The following KIRREL3 variants were observed in gnomAD, a reference collection of about 807,000 sequenced individuals.
KIRREL3 encodes kirre like nephrin family adhesion molecule 3.
In KIRREL3, 36 loss-of-function variants were observed where a neutral mutation model predicts 89.7. The ratio of observed to expected loss-of-function variants is 0.40; its 90% CI spans 0.31 to 0.53. The LOEUF (loss-of-function observed/expected upper bound fraction) is 0.53. KIRREL3 is among the 20% of genes least tolerant of loss of function. The pLI is 0.49. For missense variants in KIRREL3, 864 were observed against 1,056.6 expected (o/e 0.82, Z 2.53); for synonymous variants, 445 against 441.4 (o/e 1.01, Z -0.10).
At chr11:126,573,291 C>T (rs947949) in intron 1 of KIRREL3, among the ~76,000 whole-genome samples, 30,688 of 152,168 alleles carry the variant, frequency 0.2, 3,218 homozygotes, top group East Asian at 0.4. Flanking sequence ...GGAGGGCTCT[C>T]CAGCTCTCCT....
At chr11:126,619,015 T>C (rs370917254) in intron 1 of KIRREL3, among the ~76,000 whole-genome samples, 47 of 152,204 alleles carry the variant, frequency 3.1e-4, no homozygotes, top group African/African-American at 1.1e-3. Flanking sequence ...TGACTTCTAG[T>C]TGGAGAAGCA....
chr11:126,980,202 CA>C (rs1301231580), intron 1 of KIRREL3, among the ~76,000 whole-genome samples: 7 of 152,102 alleles, frequency 4.6e-5, no homozygotes, highest in Non-Finnish European at 1.0e-4. Context: ...ACAGCATAAG[CA>C]AGGATACAAA....
At chr11:126,799,890 T>C (rs1228609896) in intron 1 of KIRREL3, among the ~76,000 whole-genome samples, 1 of 152,174 alleles carries the variant, frequency 6.6e-6, no homozygotes. Context: ...GGAGCCTGGC[T>C]GGGATGGTGA....
intron 1 of KIRREL3, among the ~76,000 whole-genome samples, chr11:126,849,746 G>A (rs531042103): frequency 6.6e-6 from 1 of 152,182 alleles, no homozygotes; most frequent in Non-Finnish European, 1.5e-5. Context: ...AGAAGGTGGA[G>A]ACGGTGTGAA....
rs1427035649 is a variant in KIRREL3, at chr11:126,999,620, G to A, written c.55+835C>T. 6.6e-6 allele frequency among the ~76,000 whole-genome samples: 1 copy of A among 152,204 alleles called. No homozygotes were observed. The highest frequency in any genetic ancestry group is 1.5e-5 in the Non-Finnish European group (1 of 68,040). ...TTGCCCCTCCAAACTCAATTCCACAGGTGACTTTTGATGCCTTTGGCCAAC... is the reference window on the plus strand; with the variant it reads ...TTGCCCCTCCAAACTCAATTCCACAAGTGACTTTTGATGCCTTTGGCCAAC... On this transcript the variant is annotated intron_variant, in intron 1 of 16. Transcript: ENST00000525144. The surrounding 1 kb of genome is among the most constrained non-coding windows in gnomAD (Gnocchi z 5.7).
At position 126,435,092 on chromosome 11, in the gene KIRREL3, C is replaced by T. The variant is rs1201900527; in HGVS notation, c.1588+176G>A. Among the ~76,000 whole-genome samples, 4 of 152,070 alleles carry T rather than the reference C, an allele frequency of 2.6e-5. No homozygotes were observed. In the South Asian group the frequency reaches 6.2e-4, roughly 24 times the overall value. ...GGTCTCTGGGGTCCCTAGGCCCAAG[C>T]TGGCTGGGACCTCCTCTCCCCACTG... On this transcript the variant is annotated intron_variant, in intron 13 of 16. Transcript: ENST00000525144.
At chr11:126,447,406 G>A (rs1045283982) in intron 8 of KIRREL3, among the ~76,000 whole-genome samples, 1 of 152,206 alleles carries the variant, frequency 6.6e-6, no homozygotes, top group South Asian at 2.1e-4. Context: ...CACCTCTGGG[G>A]TGGGATGGGG....
chr11:126,684,735 G>C lies in KIRREL3; in HGVS notation c.56-121823C>G, dbSNP rs907457388. ...CTGGTAGGTACTGAAGCTTGTAAAGGCCACCTAATCACTTTGCTTTGGTAT... is the reference window on the plus strand; with the variant it reads ...CTGGTAGGTACTGAAGCTTGTAAAGCCCACCTAATCACTTTGCTTTGGTAT... On this transcript the variant is annotated intron_variant, in intron 1 of 16. Coordinates refer to ENST00000525144, the MANE Select transcript of KIRREL3 (RefSeq NM_032531.4). The surrounding 1 kb of genome is among the most constrained non-coding windows in gnomAD (Gnocchi z 4.2). 3.9e-5 allele frequency among the ~76,000 whole-genome samples: 6 copies of C among 152,160 alleles called. No individual in the cohort carries two copies. The highest frequency in any genetic ancestry group is 7.4e-5 in the Non-Finnish European group (5 of 68,024).
intron 1 of KIRREL3, among the ~76,000 whole-genome samples, chr11:126,887,900 GGA>G (rs1167957482): frequency 6.6e-6 from 1 of 152,194 alleles, no homozygotes; most frequent in African/African-American, 2.4e-5. Context: ...GCACAGCACA[GGA>G]GAGAGGGGGT....
intron 1 of KIRREL3, among the ~76,000 whole-genome samples, chr11:126,930,402 A>G (rs933245982): frequency 2.6e-5 from 4 of 152,098 alleles, no homozygotes; most frequent in African/African-American, 4.8e-5. Context: ...AAAGCATTGG[A>G]ATTGGGCTGC....
At chr11:126,854,769 T>C (rs1775113789) in intron 1 of KIRREL3, among the ~76,000 whole-genome samples, 1 of 152,202 alleles carries the variant, frequency 6.6e-6, no homozygotes, top group African/African-American at 2.4e-5. Flanking sequence ...ATATGGTAAT[T>C]CTATGTTTAA....
intron 1 of KIRREL3, among the ~76,000 whole-genome samples, chr11:126,690,210 C>T (rs2135129396): frequency 6.6e-6 from 1 of 152,276 alleles, no homozygotes; most frequent in Admixed American, 6.5e-5. Context: ...TGTTTATGCG[C>T]CTTAATTCAT....
chr11:126,806,752 G>T (rs1951216065), intron 1 of KIRREL3, among the ~76,000 whole-genome samples: 1 of 152,138 alleles, frequency 6.6e-6, no homozygotes, highest in South Asian at 2.1e-4. Context: ...GTGCCATGGT[G>T]GTTTGCTGCA....
At position 126,425,640 on chromosome 11, in the gene KIRREL3, T is replaced by C; in HGVS notation, c.1891A>G (p.Lys631Glu). Residue 631 changes from lysine (K) to glutamate (E), a missense_variant and splice_region_variant, in exon 16 of 17, where the codon AAG becomes GAG. Physicochemically the swap from Lys to Glu is moderately conservative, Grantham distance 56 (BLOSUM62 1). Coordinates refer to ENST00000525144, the MANE Select transcript of KIRREL3 (RefSeq NM_032531.4). ...KEEEKEFQNL[K>E]DPTNGYYSVN... ...TTATAACCCGGGGCCCTTCTTACCT[T>C]CAGGTTCTGAAACTCTTTCTCCTCT... 6.3e-7 allele frequency: 1 copy of C among 1,581,388 alleles called. No homozygotes were observed. The highest frequency in any genetic ancestry group is 8.6e-7 in the Non-Finnish European group (1 of 1,162,104).
chr11:126,480,799 G>C (rs919659484), intron 4 of KIRREL3, among the ~76,000 whole-genome samples: 1 of 152,214 alleles, frequency 6.6e-6, no homozygotes, highest in Non-Finnish European at 1.5e-5. Flanking sequence ...CTAAGGGAAC[G>C]GACGAATGTT....
rs1396179700 is a variant in KIRREL3, at chr11:126,805,940, G to A, written c.55+194515C>T. 6.6e-6 allele frequency among the ~76,000 whole-genome samples: 1 copy of A among 152,112 alleles called. No homozygotes were observed. The highest frequency in any genetic ancestry group is 1.9e-4 in the East Asian group (1 of 5,192). ...TCTCCGTGCGGCCTCTCCCTTGGCT[G>A]TCCTCTGAATGTGCCTGTGCCCCCA... On this transcript the variant is annotated intron_variant, in intron 1 of 16. Transcript: ENST00000525144. The surrounding 1 kb of genome is among the most constrained non-coding windows in gnomAD (Gnocchi z 4.3).
chr11:126,755,530 A>G lies in KIRREL3; in HGVS notation c.56-192618T>C, dbSNP rs368761921. Among the ~76,000 whole-genome samples, 3 of 152,162 alleles carry G rather than the reference A, an allele frequency of 2.0e-5. No individual in the cohort carries two copies. Among genetic ancestry groups the G allele is most frequent in the Non-Finnish European group, 2.9e-5 (2 of 68,032 alleles). On this transcript the variant is annotated intron_variant, in intron 1 of 16. Coordinates refer to ENST00000525144, the MANE Select transcript of KIRREL3 (RefSeq NM_032531.4). This position sits in a 1 kb window ranked among gnomAD's most constrained non-coding sequence, Gnocchi z 4.3. ...GCTCTCTTTAAAAAAGACACACACC[A>G]GAAAGTAAAAAAACAAAACAACAAC...
chr11:126,735,414 C>A (rs951822359), intron 1 of KIRREL3, among the ~76,000 whole-genome samples: 1 of 152,152 alleles, frequency 6.6e-6, no homozygotes, highest in Non-Finnish European at 1.5e-5. Context: ...GAGCTTCCAC[C>A]GGCCCCATTT....
At chr11:126,753,788 A>G (rs1949410376) in intron 1 of KIRREL3, among the ~76,000 whole-genome samples, 1 of 152,188 alleles carries the variant, frequency 6.6e-6, no homozygotes, top group Admixed American at 6.5e-5. Context: ...TTACCTAGAA[A>G]ATGGGAATCA....
Sources: gnomAD v4.1 joint callset for allele counts (sites outside exome capture counted in the v4.1 genomes callset) on GRCh38, gnomAD v4.1.1 for gene constraint, Gnocchi (gnomAD v3.1) non-coding constraint, MANE v1.5 for transcripts, NCBI Gene and HGNC (gene_info 2026-07-23, HGNC 2026-07-21) for gene names.